MYBPH: variants seen among roughly 807,000 people sequenced by gnomAD.
MYBPH encodes myosin-binding protein H.
A neutral mutation model predicts 53.6 loss-of-function variants in MYBPH; 49 were observed. That is an observed-to-expected ratio of 0.91 (90% CI 0.73 to 1.16). MYBPH has a LOEUF of 1.16. Ranked by LOEUF, MYBPH falls within the 50% of genes most tolerant of loss-of-function variation. The pLI is 0.00. For synonymous variants in MYBPH, 239 were observed against 249.6 expected, an observed-to-expected ratio of 0.96 and a Z score of 0.40; for missense variants, 558 against 624.1, an observed-to-expected ratio of 0.89 and a Z score of 1.13.
Position 203,171,212 on chromosome 1 carries a change from G to A in MYBPH, c.794-12C>T. On this transcript the variant is annotated splice_polypyrimidine_tract_variant and intron_variant, in intron 5 of 10. Coordinates refer to ENST00000255416, the MANE Select transcript of MYBPH (RefSeq NM_004997.3). This position sits in a 1 kb window ranked among gnomAD's most constrained non-coding sequence, Gnocchi z 4.2. ...GGGTCCAGGTTTCTCTGTAGGCCCA[G>A]AGTGTGAGAGGAAGTGAGTGTGAGG... The A allele has an allele frequency of 6.3e-7, 1 of 1,577,158 alleles. No homozygotes were observed. The highest frequency in any genetic ancestry group is 8.6e-7 in the Non-Finnish European group (1 of 1,162,900).
chr1:203,174,510 A>G lies in MYBPH; in HGVS notation c.428T>C (p.Leu143Pro), dbSNP rs759319385. The G allele has an allele frequency of 3.7e-6, 6 of 1,613,476 alleles. No individual in the cohort carries two copies. The highest frequency in any genetic ancestry group is 5.1e-6 in the Non-Finnish European group (6 of 1,179,520). Residue 143 changes from leucine (L) to proline (P), a missense_variant, in exon 3 of 11, where the codon CTG becomes CCG. Leu to Pro is a moderately conservative substitution (Grantham distance 98, BLOSUM62 -3). Coordinates refer to ENST00000255416, the MANE Select transcript of MYBPH (RefSeq NM_004997.3). ...RNLALGDKFL[L>P]RVSAVSSAGA... The stretch of plus-strand genomic sequence containing the variant: ...TGCAGAACTCACTGCAGACACGCGC[A>G]GGAGGAACTTGTCTCCCAGAGCCAG...
chr1:203,174,460 C>T lies in MYBPH; in HGVS notation c.478G>A (p.Asp160Asn). 1 of 1,608,890 alleles carries T rather than the reference C, an allele frequency of 6.2e-7. No individual in the cohort carries two copies. The highest frequency in any genetic ancestry group is 1.1e-5 in the South Asian group (1 of 90,704). ...SAGAGPPAML[D>N]QPIHIRENIE... The stretch of plus-strand genomic sequence containing the variant: ...TTCTCTCGGATGTGGATGGGCTGGT[C>T]CAGCATGGCCGGCGGGCCAGCCCCT... The change falls in exon 3 of 11, where the codon GAC becomes AAC. Residue 160 changes from aspartate to asparagine, a missense_variant. Physicochemically the swap from Asp to Asn is conservative, Grantham distance 23 (BLOSUM62 1). Transcript: ENST00000255416.
upstream of MYBPH, among the ~76,000 whole-genome samples, chr1:203,178,189 T>TA (rs2102196486): frequency 6.6e-6 from 1 of 152,270 alleles, no homozygotes; most frequent in African/African-American, 2.4e-5. Flanking sequence ...CTCCACCTCA[T>TA]AAAGGCTGAA....
At chr1:203,178,946 G>A (rs1361623751), upstream of MYBPH, 2 of 154,302 alleles carry the variant, frequency 1.3e-5, no homozygotes, top group Non-Finnish European at 2.9e-5. Flanking sequence ...TTAAGCTCTT[G>A]TACTTTATTG....
chr1:203,178,086 A>T (rs1655849238), upstream of MYBPH, among the ~76,000 whole-genome samples: 1 of 152,208 alleles, frequency 6.6e-6, no homozygotes, highest in Admixed American at 6.5e-5. Flanking sequence ...CCACAAATCA[A>T]TTCTCTTTAG....
At position 203,170,366 on chromosome 1, in the gene MYBPH, C is replaced by G; in HGVS notation, c.1018G>C (p.Val340Leu). 1 of 1,614,178 alleles carries G rather than the reference C, an allele frequency of 6.2e-7. No individual in the cohort carries two copies. Among genetic ancestry groups the G allele is most frequent in the Non-Finnish European group, 8.5e-7 (1 of 1,180,038 alleles). The change falls in exon 7 of 11, where the codon GTC (valine) becomes CTC (leucine). Residue 340 changes from valine (V) to leucine (L), a missense_variant. Physicochemically the swap from Val to Leu is conservative, Grantham distance 32. Transcript: ENST00000255416. ...LIIGNSYSFR[V>L]FSENLCGLST... is the part of the protein sequence containing the mutation. Reference sequence around the variant, plus strand: ...AGTCCACACAGGTTTTCTGAGAAGACCCGGAAGGAGTACGAGTTGCCGATG... The same window carrying G: ...AGTCCACACAGGTTTTCTGAGAAGAGCCGGAAGGAGTACGAGTTGCCGATG...
At chr1:203,174,710 T>A in intron 2 of MYBPH, 113 bp from the exon 3 acceptor site, 1 of 1,179,504 alleles carries the variant, frequency 8.5e-7, no homozygotes, top group Non-Finnish European at 1.1e-6. Flanking sequence ...TCTCTGGGCC[T>A]CATTTTCCCC....
chr1:203,168,516 C>T (rs1192292432), intron 10 of MYBPH, 111 bp downstream of exon 10: 2 of 1,095,750 alleles, frequency 1.8e-6, no homozygotes, highest in African/African-American at 1.6e-5. Context: ...AGTTTGTGTC[C>T]ACAGAGCTGA....
chr1:203,170,630 A>T (rs1655677434), intron 6 of MYBPH, among the ~76,000 whole-genome samples, 180 bp from the exon 7 acceptor site: 1 of 152,064 alleles, frequency 6.6e-6, no homozygotes, highest in Non-Finnish European at 1.5e-5. Flanking sequence ...CACTCAGGTG[A>T]CCTCTGTAGG....
chr1:203,176,746 G>A (rs1172486592), upstream of MYBPH, among the ~76,000 whole-genome samples: 1 of 152,182 alleles, frequency 6.6e-6, no homozygotes, highest in Non-Finnish European at 1.5e-5. Context: ...TGTCAGGAAG[G>A]AGGGAGAACA....
In MYBPH at chr1:203,171,983, C is replaced by G. The variant is rs1214269313; in HGVS notation, c.566G>C (p.Gly189Ala). The change falls in exon 4 of 11, where the codon GGA becomes GCA. Residue 189 changes from glycine to alanine, a missense_variant. Transcript: ENST00000255416. The surrounding 1 kb of genome is among the most constrained non-coding windows in gnomAD (Gnocchi z 4.2). Reference protein sequence around the residue: ...HLRQTYIRQVGETVNLQIPFQ... With the variant: ...HLRQTYIRQVAETVNLQIPFQ... ...GGGGATTTGCAGGTTGACCGTCTCT[C>G]CCACCTGGCGGATGTAGGTCTGACG... 1 of 1,325,014 alleles carries G rather than the reference C, an allele frequency of 7.5e-7. No individual in the cohort carries two copies. Among genetic ancestry groups the G allele is most frequent in the Non-Finnish European group, 9.7e-7 (1 of 1,029,572 alleles). The allele number at this position is 1,325,014 out of a possible 1,614,324, so 82.1% of individuals were successfully genotyped here.
At chr1:203,168,831 T>A (rs1558143377) in intron 9 of MYBPH, 75 bp downstream of exon 9, 9 of 1,590,492 alleles carry the variant, frequency 5.7e-6, no homozygotes, top group Non-Finnish European at 7.7e-6. Context: ...TCGGCCTTGA[T>A]TTTAAGCTGT....
At chr1:203,170,201 G>A (rs1269566344) in intron 7 of MYBPH, 90 bp downstream of exon 7, 37 of 1,519,346 alleles carry the variant, frequency 2.4e-5, no homozygotes, top group Admixed American at 3.8e-5. Context: ...AGACGCCCAG[G>A]AGAAACCCAG....
At chr1:203,175,234 C>T (rs1655782516) in intron 2 of MYBPH, 93 bp downstream of exon 2, 4 of 1,460,432 alleles carry the variant, frequency 2.7e-6, no homozygotes, top group African/African-American at 2.8e-5. Context: ...GTATCTCTCC[C>T]AGACTGACCA....
At chr1:203,173,837 G>A (rs888301146) in intron 3 of MYBPH, among the ~76,000 whole-genome samples, 8 of 152,250 alleles carry the variant, frequency 5.3e-5, no homozygotes, top group African/African-American at 1.4e-4. Context: ...GGAGGGGAGC[G>A]AGGGGAGGAT....
chr1:203,168,363 T>G (rs1310730861), intron 10 of MYBPH, among the ~76,000 whole-genome samples: 1 of 152,226 alleles, frequency 6.6e-6, no homozygotes, highest in African/African-American at 2.4e-5. Flanking sequence ...ACACCCTTGC[T>G]GAAGATCACT....
At position 203,174,609 on chromosome 1, in the gene MYBPH, G is replaced by C. The variant is rs1043771543; in HGVS notation, c.341-12C>G. 1.3e-6 allele frequency: 2 copies of C among 1,582,576 alleles called. No individual in the cohort carries two copies. Among genetic ancestry groups the C allele is most frequent in the South Asian group, 1.1e-5 (1 of 88,974 alleles). On this transcript the variant is annotated splice_polypyrimidine_tract_variant and intron_variant, in intron 2 of 10. Transcript: ENST00000255416. The stretch of plus-strand genomic sequence containing the variant: ...CACCCACTCCGAGGCTGAGGGGATG[G>C]AGAGAGTGTGAGGTCTTTGCAATGT...
At chr1:203,176,013 C>T (rs760061328), upstream of MYBPH, among the ~76,000 whole-genome samples, 1 of 152,206 alleles carries the variant, frequency 6.6e-6, no homozygotes, top group Non-Finnish European at 1.5e-5. Context: ...ATCTCCCCGA[C>T]TGGCCTTCAA....
In MYBPH at chr1:203,169,542, G is replaced by C. The variant is rs146718012; in HGVS notation, c.1094-153C>G. On this transcript the variant is annotated intron_variant, in intron 7 of 10. Transcript: ENST00000255416. ...CAAAGAGGCAGAGAAAGCTGAGACT[G>C]TAGCTGGGTGGGTCAGGGTGATGAG... Among the ~76,000 whole-genome samples, 125 of 152,318 alleles carry C rather than the reference G, an allele frequency of 8.2e-4. 4 individuals carry two copies. In the East Asian group the frequency reaches 0.016, roughly 19 times the overall value.
Sources: gnomAD v4.1 joint callset for allele counts (sites outside exome capture counted in the v4.1 genomes callset) on GRCh38, gnomAD v4.1.1 for gene constraint, Gnocchi (gnomAD v3.1) non-coding constraint, MANE v1.5 for transcripts, NCBI Gene and HGNC (gene_info 2026-07-23, HGNC 2026-07-21) for gene names.